The following AMMECR1 variants were observed in gnomAD, a reference collection of about 807,000 sequenced individuals.
The protein encoded by AMMECR1 is AMMECR nuclear protein 1, also known as nuclear protein AMMECR1.
In AMMECR1, 3 loss-of-function variants were observed where a neutral mutation model predicts 22.5. That is an observed-to-expected ratio of 0.13 (90% confidence interval 0.06 to 0.35). AMMECR1 has a LOEUF of 0.35. AMMECR1 is among the 10% of genes least tolerant of loss of function. AMMECR1 has a pLI of 1.00. For synonymous variants in AMMECR1, 130 were observed against 116.7 expected (o/e 1.11, Z -0.74); for missense variants, 235 against 278.7 (o/e 0.84, Z 1.12).
intron 2 of AMMECR1, among the ~76,000 whole-genome samples, chrX:110,259,417 T>C (rs776052917): frequency 1.3e-4 from 15 of 111,296 alleles, no homozygotes; most frequent in Non-Finnish European, 2.1e-4. Context: ...GAAAAAAAGA[T>C]AGTCTTTTAA....
At position 110,311,959 on chromosome X, in the gene AMMECR1, C is replaced by T. The variant is rs766491776; in HGVS notation, c.473+5640G>A. On this transcript the variant is annotated intron_variant, in intron 1 of 5. Transcript: ENST00000262844. ...TGCTGGGTTTTACTGCTGGTCCTCACTTACTTAGCTTAATTGATTCAGAAC... is the reference window on the plus strand; with the variant it reads ...TGCTGGGTTTTACTGCTGGTCCTCATTTACTTAGCTTAATTGATTCAGAAC... Among the ~76,000 whole-genome samples, 7 of 112,105 alleles carry T rather than the reference C, an allele frequency of 6.2e-5. No homozygotes were observed. The South Asian group carries it at 1.9e-3, about 30-fold the overall frequency.
At chrX:110,349,180 G>C (rs962277254) in intron 2 of AMMECR1, among the ~76,000 whole-genome samples, 3 of 112,172 alleles carry the variant, frequency 2.7e-5, no homozygotes, top group African/African-American at 9.7e-5. Context: ...TACCCGATTA[G>C]GTATGAAAAA....
chrX:110,214,180 G>A (rs2067461502), intron 3 of AMMECR1, among the ~76,000 whole-genome samples: 1 of 110,089 alleles, frequency 9.1e-6, no homozygotes, highest in South Asian at 3.9e-4. Context: ...GGAGAATGGC[G>A]TGAACCCAGG....
chrX:110,322,541 T>C (rs1157153831), upstream of AMMECR1, among the ~76,000 whole-genome samples: 1 of 112,137 alleles, frequency 8.9e-6, no homozygotes, highest in Non-Finnish European at 1.9e-5. Flanking sequence ...CTAATCTCAT[T>C]GTGTTCTGGG....
intron 2 of AMMECR1, among the ~76,000 whole-genome samples, chrX:110,369,379 G>T (rs1480906078): frequency 1.8e-5 from 2 of 111,268 alleles, no homozygotes; most frequent in Non-Finnish European, 3.8e-5. Context: ...TTTGCCAAGG[G>T]TCCTTTTCTG....
chrX:110,373,262 C>T (rs756026653), intron 2 of AMMECR1, among the ~76,000 whole-genome samples: 7 of 111,743 alleles, frequency 6.3e-5, no homozygotes, highest in Non-Finnish European at 1.1e-4. Context: ...AGGTCATCTT[C>T]CTTAGGATGA....
intron 1 of AMMECR1, among the ~76,000 whole-genome samples, chrX:110,274,227 TGTTAGGTCCAATGTTTTATAAGTGTCA>T (rs2067814039): frequency 8.9e-6 from 1 of 112,094 alleles, no homozygotes; most frequent in African/African-American, 3.2e-5. Flanking sequence ...ATTCTGGTAA[TGTTAGGTCCAATGTTTTATAAGTGTCA>T]GTTAGGTCCA....
At chrX:110,399,675 T>G (rs944025012) in intron 2 of AMMECR1, among the ~76,000 whole-genome samples, 1 of 111,747 alleles carries the variant, frequency 8.9e-6, no homozygotes, top group Non-Finnish European at 1.9e-5. Flanking sequence ...ATTGTGCGGC[T>G]AGCCTGCATT....
intron 2 of AMMECR1, among the ~76,000 whole-genome samples, chrX:110,261,532 C>T (rs1414130788): frequency 9.0e-6 from 1 of 111,097 alleles, no homozygotes; most frequent in Non-Finnish European, 1.9e-5. Flanking sequence ...AAAGTCTAGT[C>T]CATGTAGCCA....
At chrX:110,343,295 C>T (rs1259084764) in intron 2 of AMMECR1, among the ~76,000 whole-genome samples, 6 of 111,769 alleles carry the variant, frequency 5.4e-5, no homozygotes, top group Admixed American at 9.5e-5. Flanking sequence ...TTCAACAGCC[C>T]GTCATGCTAA....
At chrX:110,340,357 C>T (rs149806370) in intron 2 of AMMECR1, among the ~76,000 whole-genome samples, 4 of 112,050 alleles carry the variant, frequency 3.6e-5, no homozygotes, top group African/African-American at 1.3e-4. Flanking sequence ...AAAATAGAAA[C>T]TCAGTCTCTC....
At chrX:110,223,616 G>C (rs2067516079) in intron 2 of AMMECR1, among the ~76,000 whole-genome samples, 1 of 111,573 alleles carries the variant, frequency 9.0e-6, no homozygotes, top group Non-Finnish European at 1.9e-5. Flanking sequence ...TCTTAAGTTA[G>C]GATATACTAT....
chrX:110,377,964 G>A (rs1365377148), intron 2 of AMMECR1, among the ~76,000 whole-genome samples: 5 of 92,775 alleles, frequency 5.4e-5, no homozygotes, highest in Non-Finnish European at 8.1e-5. Flanking sequence ...AGCCGAGATC[G>A]CGCCACTGCA....
chrX:110,357,896 C>G (rs1196993843), intron 2 of AMMECR1, among the ~76,000 whole-genome samples: 2 of 111,521 alleles, frequency 1.8e-5, no homozygotes, highest in Non-Finnish European at 3.8e-5. Flanking sequence ...CAGTCCCTCT[C>G]TCACATCAGG....
chrX:110,365,772 T>C (rs982612147), intron 2 of AMMECR1, among the ~76,000 whole-genome samples: 2 of 111,979 alleles, frequency 1.8e-5, no homozygotes, highest in Non-Finnish European at 3.8e-5. Flanking sequence ...TTTCTAATAA[T>C]ATATACCTTC....
intron 1 of AMMECR1, among the ~76,000 whole-genome samples, chrX:110,311,513 G>GT (rs922178296): frequency 2.6e-4 from 28 of 109,454 alleles, no homozygotes; most frequent in African/African-American, 7.6e-4. Flanking sequence ...CAAAAACAGG[G>GT]TTTTTTTTTC....
At chrX:110,241,893 T>C (rs760904392) in intron 2 of AMMECR1, among the ~76,000 whole-genome samples, 7 of 111,966 alleles carry the variant, frequency 6.3e-5, no homozygotes, top group South Asian at 7.5e-4. Flanking sequence ...AAATATCTAA[T>C]GCAAACCCAA....
intron 4 of AMMECR1, among the ~76,000 whole-genome samples, chrX:110,202,226 CT>C (rs1429943942): frequency 1.8e-5 from 2 of 112,208 alleles, no homozygotes; most frequent in Non-Finnish European, 3.8e-5. Context: ...AAAATATACA[CT>C]TATGGGTTTA....
At chrX:110,336,608 A>G (rs1371657245) in intron 2 of AMMECR1, among the ~76,000 whole-genome samples, 1 of 111,228 alleles carries the variant, frequency 9.0e-6, no homozygotes, top group African/African-American at 3.3e-5. Flanking sequence ...CCAGCTACTC[A>G]GGAGGCTGAG....
Sources: allele counts gnomAD v4.1 joint callset (sites outside exome capture counted in the v4.1 genomes callset), GRCh38; gene constraint gnomAD v4.1.1; transcripts MANE v1.5; gene names NCBI Gene and HGNC (gene_info 2026-07-23, HGNC 2026-07-21).